LRRC37A2: variants seen among roughly 807,000 people sequenced by gnomAD.
LRRC37A2 encodes the protein leucine-rich repeat-containing protein 37A2.
A neutral mutation model predicts 68.8 loss-of-function variants in LRRC37A2; 9 were observed. The observed-to-expected ratio is 0.13, with a 90% CI of 0.08 to 0.23. The LOEUF (loss-of-function observed/expected upper bound fraction) is 0.23, where lower values mean the gene tolerates loss of function less well. Ranked by LOEUF, LRRC37A2 falls within the 10% of genes least tolerant of loss-of-function variation. The pLI is 1.00. For missense variants in LRRC37A2, 168 were observed against 950.4 expected (o/e 0.18, Z 10.82); for synonymous variants, 63 against 367.6 (o/e 0.17, Z 9.48).
chr17:46,806,214 T>C, the LRRC37A2 span, among the ~76,000 whole-genome samples: 1 of 144,888 alleles, frequency 6.9e-6, no homozygotes, highest in African/African-American at 2.5e-5. Context: ...TTCCTTTTTT[T>C]TTTTTTTTTT....
At chr17:46,981,892 G>A in the LRRC37A2 span, among the ~76,000 whole-genome samples, 1 of 151,996 alleles carries the variant, frequency 6.6e-6, no homozygotes, top group Admixed American at 6.6e-5. Flanking sequence ...TGTTCAGACA[G>A]GGTCTCACTA....
the LRRC37A2 span, among the ~76,000 whole-genome samples, chr17:46,681,318 C>A: frequency 1.6e-5 from 2 of 121,414 alleles, no homozygotes; most frequent in Non-Finnish European, 1.8e-5. Flanking sequence ...ATAGTGAGAC[C>A]CCACCTCTAC....
chr17:46,935,128 A>G, the LRRC37A2 span: 1 of 1,614,136 alleles, frequency 6.2e-7, no homozygotes, highest in Non-Finnish European at 8.5e-7. Flanking sequence ...AGATGGGCAC[A>G]ATATTTTAGA....
chr17:46,588,955 A>G, the LRRC37A2 span, among the ~76,000 whole-genome samples: 1 of 110,452 alleles, frequency 9.1e-6, no homozygotes, highest in Non-Finnish European at 1.6e-5. Context: ...CTGAGACAGG[A>G]GAATAGCTAG....
At chr17:47,003,911 C>T in the LRRC37A2 span, among the ~76,000 whole-genome samples, 6 of 152,186 alleles carry the variant, frequency 3.9e-5, no homozygotes, top group Non-Finnish European at 1.5e-5. Flanking sequence ...TGATATTCCC[C>T]TTCCTGTGTC....
the LRRC37A2 span, among the ~76,000 whole-genome samples, chr17:47,007,104 G>T: frequency 6.6e-6 from 1 of 152,180 alleles, no homozygotes; most frequent in East Asian, 1.9e-4. Flanking sequence ...GCAGCTCACT[G>T]CCAGTGCTCA....
the LRRC37A2 span, among the ~76,000 whole-genome samples, chr17:46,899,516 A>G: frequency 1.2e-3 from 176 of 152,362 alleles, 2 homozygotes; most frequent in African/African-American, 3.5e-3. Flanking sequence ...GCCAGACACA[A>G]AACACTACAT....
At chr17:46,855,075 G>A in the LRRC37A2 span, among the ~76,000 whole-genome samples, 1 of 149,688 alleles carries the variant, frequency 6.7e-6, no homozygotes, top group Admixed American at 6.6e-5. Flanking sequence ...GAAAGGTTCA[G>A]TCAGTCACCC....
chr17:46,979,172 C>G, the LRRC37A2 span: 2 of 700,486 alleles, frequency 2.9e-6, no homozygotes, highest in African/African-American at 1.9e-5. Context: ...GGGCCGCCTA[C>G]CCCTGGGCAC....
chr17:46,968,531 G>A, the LRRC37A2 span, among the ~76,000 whole-genome samples: 1 of 152,362 alleles, frequency 6.6e-6, no homozygotes, highest in East Asian at 1.9e-4. Flanking sequence ...AGAGCACCAT[G>A]CCAAGCTCAT....
the LRRC37A2 span, among the ~76,000 whole-genome samples, chr17:46,927,659 G>A: frequency 7.2e-5 from 11 of 152,266 alleles, no homozygotes; most frequent in East Asian, 1.7e-3. Context: ...CCCAAATAAC[G>A]TGGGGCTGTG....
chr17:47,006,313 ATAAAT>A, the LRRC37A2 span, among the ~76,000 whole-genome samples: 1 of 152,162 alleles, frequency 6.6e-6, no homozygotes, highest in African/African-American at 2.4e-5. Flanking sequence ...AAAAAATAAA[ATAAAT>A]TAATTAATTA....
At chr17:46,609,835 T>C in the LRRC37A2 span, among the ~76,000 whole-genome samples, 2 of 141,804 alleles carry the variant, frequency 1.4e-5, no homozygotes, top group African/African-American at 5.2e-5. Flanking sequence ...TTCTTTTTTT[T>C]TTTTTTTTGA....
At chr17:46,377,564 A>C in the LRRC37A2 span, among the ~76,000 whole-genome samples, 1 of 40,720 alleles carries the variant, frequency 2.5e-5, no homozygotes, top group African/African-American at 4.8e-5. Flanking sequence ...TCCTCCTATC[A>C]CTGGATCTTT....
exon 10 of LRRC37A2, chr17:46,549,046 A>G (rs1403584645): frequency 6.2e-7 from 1 of 1,612,282 alleles, no homozygotes; most frequent in Admixed American, 1.7e-5. Flanking sequence ...ACATGCCAGA[A>G]AAAAATACCG....
At chr17:46,631,061 T>TACATACACAC in the LRRC37A2 span, among the ~76,000 whole-genome samples, 1 of 122,852 alleles carries the variant, frequency 8.1e-6, no homozygotes, top group Non-Finnish European at 1.6e-5. Flanking sequence ...TCTCTCTCTG[T>TACATACACAC]ACACACACAC....
the LRRC37A2 span, among the ~76,000 whole-genome samples, chr17:47,037,166 T>C: frequency 1.3e-5 from 2 of 149,730 alleles, no homozygotes. Context: ...GGCAGGCACC[T>C]GTAATCCCAG....
the LRRC37A2 span, chr17:46,872,579 A>G: frequency 6.4e-3 from 10,233 of 1,602,258 alleles, 79 homozygotes; most frequent in South Asian, 0.013. Flanking sequence ...GCCCCGGCAC[A>G]GGGCGGGGCC....
chr17:46,948,952 G>A, the LRRC37A2 span: 2 of 152,342 alleles, frequency 1.3e-5, no homozygotes, highest in South Asian at 2.1e-4. Context: ...GCTACGAACT[G>A]AGCACCCACC....
Sources: gnomAD v4.1 joint callset for allele counts (sites outside exome capture counted in the v4.1 genomes callset) on GRCh38, gnomAD v4.1.1 for gene constraint, MANE v1.5 for transcripts, NCBI Gene and HGNC (gene_info 2026-07-23, HGNC 2026-07-21) for gene names.